The following RALGPS2 variants were observed in gnomAD, a reference collection of about 807,000 sequenced individuals.
RALGPS2 encodes ras-specific guanine nucleotide-releasing factor RalGPS2.
Under a neutral mutation model 86.8 loss-of-function variants are expected in RALGPS2, and 43 were observed. That is an observed-to-expected ratio of 0.50 (90% CI 0.39 to 0.64). RALGPS2 has a LOEUF of 0.64. Among genes scored for constraint, RALGPS2 ranks in the 30% least tolerant of loss-of-function variants. The probability of loss-of-function intolerance (pLI) is 0.00; values close to 1 mark genes in which losing one functional copy is unlikely to be tolerated. For missense variants in RALGPS2, 536 were observed against 694.6 expected, an observed-to-expected ratio of 0.77 and a Z score of 2.57; for synonymous variants, 243 against 231.3, an observed-to-expected ratio of 1.05 and a Z score of -0.46.
At chr1:178,774,284 AT>A (rs370071329) in intron 1 of RALGPS2, among the ~76,000 whole-genome samples, 3,940 of 152,048 alleles carry the variant, frequency 0.026, 73 homozygotes, top group Middle Eastern at 0.052. Context: ...AAAAAAAAAA[AT>A]AAAAGGAGAG....
intron 1 of RALGPS2, among the ~76,000 whole-genome samples, chr1:178,756,767 G>A (rs74536887): frequency 0.036 from 5,355 of 150,588 alleles, 166 homozygotes; most frequent in East Asian, 0.096. Context: ...ATTTTAATTT[G>A]GCCATATAGT....
At chr1:178,772,835 G>A (rs1403245470) in intron 1 of RALGPS2, among the ~76,000 whole-genome samples, 2 of 152,122 alleles carry the variant, frequency 1.3e-5, no homozygotes, top group Non-Finnish European at 2.9e-5. Context: ...GCGGAGTCTC[G>A]CTGTCTCCCA....
At chr1:178,726,722 G>C (rs1197414225) in intron 1 of RALGPS2, among the ~76,000 whole-genome samples, 1 of 152,056 alleles carries the variant, frequency 6.6e-6, no homozygotes, top group African/African-American at 2.4e-5. Flanking sequence ...GTTGACTTGG[G>C]TATTTTTCTG....
intron 19 of RALGPS2, among the ~76,000 whole-genome samples, chr1:178,912,101 G>A (rs577606082): frequency 6.6e-6 from 1 of 152,230 alleles, no homozygotes; most frequent in South Asian, 2.1e-4. Context: ...GTTGTTACAT[G>A]TGAGATGGTT....
chr1:178,889,593 TAG>T, intron 13 of RALGPS2, 47 bp from the exon 14 acceptor site: 1 of 1,222,506 alleles, frequency 8.2e-7, no homozygotes, highest in Non-Finnish European at 1.2e-6. Context: ...AAATGCAAAC[TAG>T]AGAGGTAATT....
intron 2 of RALGPS2, among the ~76,000 whole-genome samples, chr1:178,777,488 A>G (rs1434018103): frequency 4.6e-4 from 70 of 151,906 alleles, no homozygotes; most frequent in African/African-American, 1.6e-3. Context: ...TACAGATTCA[A>G]TGCCATCCCC....
chr1:178,807,748 C>A (rs1388994403), intron 4 of RALGPS2, among the ~76,000 whole-genome samples: 1 of 152,164 alleles, frequency 6.6e-6, no homozygotes, highest in Non-Finnish European at 1.5e-5. Flanking sequence ...GGATGCTCAT[C>A]TTTATCTGTG....
At chr1:178,852,863 C>A in intron 8 of RALGPS2, 1 of 1,613,892 alleles carries the variant, frequency 6.2e-7, no homozygotes, top group Non-Finnish European at 8.5e-7. Flanking sequence ...TCTTCTAATT[C>A]AATCAATAAC....
chr1:178,775,167 T>C (rs934731269), intron 1 of RALGPS2, among the ~76,000 whole-genome samples: 4 of 152,304 alleles, frequency 2.6e-5, no homozygotes, highest in Admixed American at 2.6e-4. Context: ...GTGTATATTA[T>C]CTCATTTCGC....
chr1:178,730,363 A>G (rs138047944), intron 1 of RALGPS2, among the ~76,000 whole-genome samples: 8 of 152,336 alleles, frequency 5.3e-5, no homozygotes, highest in African/African-American at 1.9e-4. Flanking sequence ...ATGTCTTCCC[A>G]ATATAGTCAT....
intron 1 of RALGPS2, chr1:178,747,117 T>C (rs1474708422): frequency 2.2e-6 from 2 of 921,952 alleles, no homozygotes; most frequent in East Asian, 4.8e-5. Context: ...ACTTGTTTAA[T>C]GTTAATATCA....
intron 1 of RALGPS2, among the ~76,000 whole-genome samples, chr1:178,742,358 T>G (rs991720831): frequency 6.6e-6 from 1 of 152,092 alleles, no homozygotes; most frequent in Non-Finnish European, 1.5e-5. Flanking sequence ...TTTCCAGGGA[T>G]AAAGGATGTC....
intron 1 of RALGPS2, among the ~76,000 whole-genome samples, chr1:178,734,055 G>A (rs1650539455): frequency 6.6e-6 from 1 of 152,134 alleles, no homozygotes; most frequent in South Asian, 2.1e-4. Flanking sequence ...AACAGGCAAA[G>A]GAGCTGAATA....
intron 8 of RALGPS2, chr1:178,853,508 CTTAT>C (rs1657320394): frequency 9.1e-7 from 1 of 1,099,260 alleles, no homozygotes; most frequent in Admixed American, 2.8e-5. Flanking sequence ...AACTGTGTGT[CTTAT>C]TTATTGCATA....
At chr1:178,834,730 C>T (rs985977527) in intron 8 of RALGPS2, among the ~76,000 whole-genome samples, 5 of 152,162 alleles carry the variant, frequency 3.3e-5, no homozygotes, top group African/African-American at 1.2e-4. Flanking sequence ...GAAAGACATT[C>T]TGTATGTGCT....
chr1:178,810,434 G>A (rs1322503720), intron 5 of RALGPS2, among the ~76,000 whole-genome samples: 1 of 151,764 alleles, frequency 6.6e-6, no homozygotes, highest in African/African-American at 2.4e-5. Flanking sequence ...TTTGCCTGAT[G>A]TTAAATTTAA....
intron 5 of RALGPS2, among the ~76,000 whole-genome samples, chr1:178,808,628 G>T (rs1438697959): frequency 6.6e-6 from 1 of 152,042 alleles, no homozygotes; most frequent in African/African-American, 2.4e-5. Context: ...TGGCTTGAAA[G>T]CTCGTGTCTG....
chr1:178,796,028 C>T (rs1029302709), intron 4 of RALGPS2, among the ~76,000 whole-genome samples: 5 of 152,140 alleles, frequency 3.3e-5, no homozygotes, highest in South Asian at 2.1e-4. Context: ...AGCGAGTTGC[C>T]GCTGTTTTGT....
intron 4 of RALGPS2, among the ~76,000 whole-genome samples, chr1:178,801,382 A>G (rs969983938): frequency 1.3e-5 from 2 of 152,140 alleles, no homozygotes; most frequent in Non-Finnish European, 2.9e-5. Context: ...TAATAATAAT[A>G]ATACTAACAC....
Sources: allele counts gnomAD v4.1 joint callset (sites outside exome capture counted in the v4.1 genomes callset), GRCh38; gene constraint gnomAD v4.1.1; transcripts MANE v1.5; gene names NCBI Gene and HGNC (gene_info 2026-07-23, HGNC 2026-07-21).